Variants in CRACD observed in about 807,000 individuals in gnomAD.
CRACD encodes capping protein-inhibiting regulator of actin dynamics.
Under a neutral mutation model 106.8 loss-of-function variants are expected in CRACD, and 56 were observed. That is an observed-to-expected ratio of 0.52 (90% CI 0.42 to 0.66). CRACD has a LOEUF of 0.66. Among genes scored for constraint, CRACD ranks in the 30% least tolerant of loss-of-function variants. CRACD has a pLI of 0.00. For missense variants in CRACD, 1,730 were observed against 1,623.2 expected, an observed-to-expected ratio of 1.07 and a Z score of -1.13; for synonymous variants, 754 against 670.8, an observed-to-expected ratio of 1.12 and a Z score of -1.92.
At position 56,264,437 on chromosome 4, in the gene CRACD, C is replaced by T. The variant is rs78598121; in HGVS notation, c.-188-7884C>T. On this transcript the variant is annotated intron_variant, in intron 2 of 10. Transcript: ENST00000682029. ...TGCATTAGAAGCCTAACCACATATA[C>T]CACATATACCACATATGCCACATAT... Among the ~76,000 whole-genome samples the T allele has an allele frequency of 1.1e-3, 154 of 140,668 alleles. 3 individuals carry two copies. The East Asian group carries it at 0.026, about 24-fold the overall frequency. The allele number at this position is 140,668 out of a possible 152,430, so 92.3% of individuals were successfully genotyped here.
rs974067610 is a variant in CRACD at position 56,307,799 on chromosome 4, G to C, written c.285+100G>C. 34 of 1,240,114 alleles carry C rather than the reference G, an allele frequency of 2.7e-5. No homozygotes were observed. In the East Asian group the frequency reaches 7.1e-4, roughly 26 times the overall value. The allele number at this position is 1,240,114 out of a possible 1,614,324, so 76.8% of individuals were successfully genotyped here. A position where few individuals can be genotyped will look rare whatever the true frequency, so the allele number is the denominator to read the frequency against. On this transcript the variant is annotated intron_variant, in intron 5 of 10. Transcript: ENST00000682029. ...TCTGCAGCAGGGGAATTAGAGGGAG[G>C]AGCTTTTCTCATGAGTAGCTCAGGG...
At chr4:56,078,883 A>T (rs963095419) in intron 1 of CRACD, among the ~76,000 whole-genome samples, 1 of 152,176 alleles carries the variant, frequency 6.6e-6, no homozygotes, top group African/African-American at 2.4e-5. Flanking sequence ...CCCTGGAGGC[A>T]AGTAGTGGAG....
chr4:56,213,006 C>T (rs766085879), intron 2 of CRACD, among the ~76,000 whole-genome samples: 3 of 152,140 alleles, frequency 2.0e-5, no homozygotes, highest in Non-Finnish European at 2.9e-5. Context: ...TTACCGTGCC[C>T]CAGTTGCTGC....
In CRACD at chr4:56,314,005, CA is replaced by C; in HGVS notation, c.538-31del. 6.3e-7 allele frequency: 1 copy of C among 1,590,770 alleles called. No individual in the cohort carries two copies. Among genetic ancestry groups the C allele is most frequent in the Non-Finnish European group, 8.6e-7 (1 of 1,167,860 alleles). The stretch of plus-strand genomic sequence containing the variant: ...AAGGAACGACTGTGGGTGGAGAAAG[CA>C]AAAGGCTAATTGTGTTTTCCTTTCC... On this transcript the variant is annotated intron_variant, in intron 7 of 10. Coordinates refer to ENST00000682029, the MANE Select transcript of CRACD (RefSeq NM_001393381.1). The surrounding 1 kb of genome is among the most constrained non-coding windows in gnomAD (Gnocchi z 4.4).
At chr4:56,228,280 C>G (rs1197751872) in intron 2 of CRACD, among the ~76,000 whole-genome samples, 3 of 152,044 alleles carry the variant, frequency 2.0e-5, no homozygotes, top group Non-Finnish European at 4.4e-5. Flanking sequence ...TTATAACACT[C>G]TTTATGAGAA....
At chr4:56,280,091 A>C (rs1742937498) in intron 3 of CRACD, among the ~76,000 whole-genome samples, 1 of 140,564 alleles carries the variant, frequency 7.1e-6, no homozygotes, top group Non-Finnish European at 1.5e-5. Flanking sequence ...GGAATTGAAC[A>C]GTGAGAACAC....
intron 1 of CRACD, among the ~76,000 whole-genome samples, chr4:56,059,616 G>T (rs1335330828): frequency 6.6e-6 from 1 of 152,196 alleles, no homozygotes; most frequent in Non-Finnish European, 1.5e-5. Context: ...ACAAGAACAG[G>T]AGTTGGAGAA....
chr4:56,220,816 C>G (rs1738991345), intron 2 of CRACD, among the ~76,000 whole-genome samples: 1 of 152,002 alleles, frequency 6.6e-6, no homozygotes, highest in Admixed American at 6.6e-5. Flanking sequence ...TTGATTAGTC[C>G]TAATAGGGGA....
chr4:56,062,587 T>A (rs1732315765), intron 1 of CRACD, among the ~76,000 whole-genome samples: 1 of 152,210 alleles, frequency 6.6e-6, no homozygotes, highest in South Asian at 2.1e-4. Context: ...TTAAACTGAT[T>A]TCCTGCAAAT....
chr4:56,065,278 G>A (rs994161828), intron 1 of CRACD, among the ~76,000 whole-genome samples: 1 of 151,914 alleles, frequency 6.6e-6, no homozygotes, highest in Non-Finnish European at 1.5e-5. Flanking sequence ...AGTAGAGATG[G>A]GGTTTCACCA....
At chr4:56,147,911 A>G (rs1426088026) in intron 1 of CRACD, among the ~76,000 whole-genome samples, 6 of 152,222 alleles carry the variant, frequency 3.9e-5, no homozygotes, top group Non-Finnish European at 5.9e-5. Context: ...AGATGGGGCC[A>G]TAATGGAAGT....
chr4:56,315,612 G>A lies in CRACD; in HGVS notation c.2110G>A (p.Asp704Asn), dbSNP rs1745572086. 6.2e-6 allele frequency: 10 copies of A among 1,614,210 alleles called. No individual in the cohort carries two copies. Among genetic ancestry groups the A allele is most frequent in the Non-Finnish European group, 7.6e-6 (9 of 1,180,042 alleles). The change falls in exon 8 of 11, where the codon GAT (aspartate) becomes AAT (asparagine). Residue 704 changes from aspartate to asparagine, a missense_variant. By Grantham distance (23) the Asp-to-Asn change is conservative. This residue lies in a region of CRACD where 1,620 missense variants were observed against 1,481.6 expected (regional missense o/e 1.09). Coordinates refer to ENST00000682029, the MANE Select transcript of CRACD (RefSeq NM_001393381.1). The surrounding 1 kb of genome is among the most constrained non-coding windows in gnomAD (Gnocchi z 4.1). ...GDESTPRGRC[D>N]SRGNQRKTPP... ...TGAGTCCACTCCCAGGGGCCGGTGT[G>A]ATTCCCGCGGGAACCAACGGAAGAC...
Position 56,220,349 on chromosome 4 carries a change from C to T in CRACD, c.-189+40919C>T, listed in dbSNP as rs558076426. On this transcript the variant is annotated intron_variant, in intron 2 of 10. Transcript: ENST00000682029. ...CTGCTCTTGTAACCAACTGTTGCCT[C>T]TCCCTAAATAAGCTTGTGGAACTTC... Among the ~76,000 whole-genome samples, 33 of 152,352 alleles carry T rather than the reference C, an allele frequency of 2.2e-4. No individual in the cohort carries two copies. The South Asian group carries it at 5.0e-3, about 23-fold the overall frequency.
In CRACD at chr4:56,315,945, G is replaced by A. The variant is rs1297497090; in HGVS notation, c.2443G>A (p.Glu815Lys). The A allele has an allele frequency of 1.1e-5, 18 of 1,614,230 alleles. No individual in the cohort carries two copies. Among genetic ancestry groups the A allele is most frequent in the Non-Finnish European group, 1.4e-5 (17 of 1,180,044 alleles). The part of the protein sequence containing the change: ...YPPQKVVAHT[E>K]FTTSSDSETA... Reference sequence around the variant, plus strand: ...TCCGCAGAAAGTGGTGGCCCACACAGAGTTCACGACCTCGTCGGACAGCGA... The same window carrying A: ...TCCGCAGAAAGTGGTGGCCCACACAAAGTTCACGACCTCGTCGGACAGCGA... Residue 815 changes from glutamate (E) to lysine (K), a missense_variant, in exon 8 of 11, where the codon GAG becomes AAG. By Grantham distance (56) the Glu-to-Lys change is moderately conservative. Around this residue, in one of 5 missense-constraint regions of CRACD, gnomAD observed 1,620 missense variants for 1,481.6 expected, o/e 1.09. Transcript: ENST00000682029. This position sits in a 1 kb window ranked among gnomAD's most constrained non-coding sequence, Gnocchi z 4.1.
At chr4:56,051,864 G>A (rs925016961) in intron 1 of CRACD, among the ~76,000 whole-genome samples, 8 of 152,160 alleles carry the variant, frequency 5.3e-5, no homozygotes, top group African/African-American at 1.9e-4. Flanking sequence ...CTGCATCCTT[G>A]GCAGGTGATT....
At chr4:56,185,876 T>C (rs1737075311) in intron 2 of CRACD, among the ~76,000 whole-genome samples, 1 of 152,210 alleles carries the variant, frequency 6.6e-6, no homozygotes, top group Non-Finnish European at 1.5e-5. Flanking sequence ...GGAGATTATA[T>C]TGCTAGCCTA....
chr4:56,219,272 A>G (rs1025118985), intron 2 of CRACD, among the ~76,000 whole-genome samples: 2 of 152,236 alleles, frequency 1.3e-5, no homozygotes, highest in Non-Finnish European at 2.9e-5. Context: ...GAGAACAGTA[A>G]GATTAAGGAA....
In CRACD at chr4:56,142,698, G is replaced by C. The variant is rs145918188; in HGVS notation, c.-335-36586G>C. ...TAAAAAATATTTCCTCTTTTAATCTGCATGGGATATAGTTAGGTATGAATT... is the reference window on the plus strand; with the variant it reads ...TAAAAAATATTTCCTCTTTTAATCTCCATGGGATATAGTTAGGTATGAATT... On this transcript the variant is annotated intron_variant, in intron 1 of 10. Coordinates refer to ENST00000682029, the MANE Select transcript of CRACD (RefSeq NM_001393381.1). Among the ~76,000 whole-genome samples, 1,238 of 152,008 alleles carry C rather than the reference G, an allele frequency of 8.1e-3. 29 individuals are homozygous for C. Among genetic ancestry groups the C allele is most frequent in the African/African-American group, 0.028 (1,145 of 41,478 alleles).
chr4:56,141,892 C>G (rs901002619), intron 1 of CRACD, among the ~76,000 whole-genome samples: 4 of 151,824 alleles, frequency 2.6e-5, no homozygotes, highest in Non-Finnish European at 4.4e-5. Context: ...GGGAGTCTCA[C>G]TGTGTTGCCC....
Sources: gnomAD v4.1 joint callset for allele counts (sites outside exome capture counted in the v4.1 genomes callset) on GRCh38, gnomAD v4.1.1 for gene constraint, gnomAD v4.1.1 regional missense constraint, Gnocchi (gnomAD v3.1) non-coding constraint, MANE v1.5 for transcripts, NCBI Gene and HGNC (gene_info 2026-07-23, HGNC 2026-07-21) for gene names.